PLEKHD1: variants seen among roughly 807,000 people sequenced by gnomAD.
PLEKHD1 encodes the protein pleckstrin homology and coiled-coil domain containing D1.
In PLEKHD1, 51 loss-of-function variants were observed where a neutral mutation model predicts 69.2. That is an observed-to-expected ratio of 0.74 (90% CI 0.59 to 0.93). The LOEUF (loss-of-function observed/expected upper bound fraction) is 0.93, where lower values mean the gene tolerates loss of function less well. Among genes scored for constraint, PLEKHD1 ranks in the 40% least tolerant of loss-of-function variants. The pLI is 0.00. For missense variants in PLEKHD1, 584 were observed against 641.0 expected (o/e 0.91, Z 0.96); for synonymous variants, 236 against 244.7 (o/e 0.96, Z 0.33).
At chr14:69,470,464 A>C in the PLEKHD1 span, among the ~76,000 whole-genome samples, 1 of 151,930 alleles carries the variant, frequency 6.6e-6, no homozygotes, top group African/African-American at 2.4e-5. Flanking sequence ...AAAAAAAAAA[A>C]AAACTAGTAA....
chr14:69,498,758 A>G (rs1227007320), intron 1 of PLEKHD1, among the ~76,000 whole-genome samples: 1 of 150,330 alleles, frequency 6.7e-6, no homozygotes, highest in African/African-American at 2.5e-5. Flanking sequence ...AGTGATTCTC[A>G]TGCCTCAGCC....
intron 8 of PLEKHD1, 22 bp downstream of exon 8, chr14:69,524,344 A>G: frequency 6.5e-7 from 1 of 1,544,802 alleles, no homozygotes; most frequent in Non-Finnish European, 8.8e-7. Context: ...CTGGTGGGTT[A>G]GTTGACCAGG....
intron 6 of PLEKHD1, among the ~76,000 whole-genome samples, chr14:69,516,842 T>C (rs998325710): frequency 6.6e-6 from 1 of 152,218 alleles, no homozygotes; most frequent in Admixed American, 6.5e-5. Context: ...GCTATTTTTT[T>C]GTATTTTTTG....
chr14:69,491,580 G>A (rs1036172787), intron 1 of PLEKHD1, among the ~76,000 whole-genome samples: 1 of 152,178 alleles, frequency 6.6e-6, no homozygotes, highest in Non-Finnish European at 1.5e-5. Context: ...CCAAACATTA[G>A]GGAGCTCACC....
At chr14:69,509,833 G>C (rs1352077656) in intron 6 of PLEKHD1, among the ~76,000 whole-genome samples, 2 of 151,924 alleles carry the variant, frequency 1.3e-5, no homozygotes, top group African/African-American at 4.8e-5. Flanking sequence ...AGCTACTCAG[G>C]AGACTGAGGC....
chr14:69,475,844 G>T, the PLEKHD1 span, among the ~76,000 whole-genome samples: 1 of 152,150 alleles, frequency 6.6e-6, no homozygotes, highest in Admixed American at 6.5e-5. Context: ...TCTCTCCTGG[G>T]TTGCCCTGGG....
At chr14:69,494,112 A>C (rs1882835043) in intron 1 of PLEKHD1, among the ~76,000 whole-genome samples, 1 of 152,256 alleles carries the variant, frequency 6.6e-6, no homozygotes, top group Non-Finnish European at 1.5e-5. Context: ...AATCATAATA[A>C]ATAATAATTT....
intron 6 of PLEKHD1, among the ~76,000 whole-genome samples, chr14:69,514,522 C>T (rs1442505959): frequency 2.0e-5 from 3 of 151,500 alleles, no homozygotes; most frequent in South Asian, 2.1e-4. Flanking sequence ...TCTTAGTTTG[C>T]GTTTAAATTC....
intron 6 of PLEKHD1, among the ~76,000 whole-genome samples, chr14:69,519,986 A>AC (rs1460361900): frequency 4.6e-5 from 7 of 151,678 alleles, no homozygotes; most frequent in South Asian, 2.1e-4. Context: ...ACATGGTAGA[A>AC]CCCCCGCTGA....
chr14:69,504,466 C>T (rs1240867120), intron 6 of PLEKHD1, among the ~76,000 whole-genome samples: 1 of 141,682 alleles, frequency 7.1e-6, no homozygotes, highest in Non-Finnish European at 1.5e-5. Context: ...CAAAAAGCAT[C>T]ATGTCCCCTT....
In PLEKHD1 at chr14:69,516,749, A is replaced by G. The variant is rs557781556; in HGVS notation, c.556-5534A>G. On this transcript the variant is annotated intron_variant, in intron 6 of 12. Coordinates refer to ENST00000322564, the MANE Select transcript of PLEKHD1 (RefSeq NM_001161498.2). ...CAATGACACGATCTCAGCTCACTGCAGCCTCGACCTCCTGGGCTCAAGTGA... is the reference window on the plus strand; with the variant it reads ...CAATGACACGATCTCAGCTCACTGCGGCCTCGACCTCCTGGGCTCAAGTGA... 9.2e-5 allele frequency among the ~76,000 whole-genome samples: 14 copies of G among 152,118 alleles called. No homozygotes were observed. The East Asian group carries it at 2.5e-3, about 27-fold the overall frequency.
intron 1 of PLEKHD1, among the ~76,000 whole-genome samples, chr14:69,488,740 GA>G (rs1038219675): frequency 2.6e-5 from 4 of 151,922 alleles, no homozygotes; most frequent in East Asian, 1.9e-4. Flanking sequence ...TCTGCCTCCA[GA>G]AAAAAAAGTG....
At chr14:69,480,187 C>G (rs10151691), upstream of PLEKHD1, among the ~76,000 whole-genome samples, 72,809 of 152,094 alleles carry the variant, frequency 0.48, 17,691 homozygotes, top group Middle Eastern at 0.59. Context: ...CAGCCTTGTG[C>G]AATCTAGGGC....
Position 69,527,763 on chromosome 14 carries a change from T to C in PLEKHD1, c.1202-20T>C, listed in dbSNP as rs1369379403. On this transcript the variant is annotated intron_variant, in intron 11 of 12. Transcript: ENST00000322564. ...AAGGATGCAGTCGGAACCCCACCCT[T>C]CCTGGCCCTGCCGCCACAGGGTTCT... is the stretch of plus-strand genomic sequence containing the variant. 2 of 1,551,198 alleles carry C rather than the reference T, an allele frequency of 1.3e-6. No individual in the cohort carries two copies. The highest frequency in any genetic ancestry group is 3.9e-5 in the Admixed American group (2 of 51,000).
the PLEKHD1 span, among the ~76,000 whole-genome samples, chr14:69,471,190 C>T: frequency 6.9e-6 from 1 of 145,288 alleles, no homozygotes; most frequent in African/African-American, 2.5e-5. Flanking sequence ...TCACTGCACC[C>T]TCTACTCCGG....
intron 6 of PLEKHD1, among the ~76,000 whole-genome samples, chr14:69,508,189 A>G (rs1883193707): frequency 6.6e-6 from 1 of 152,130 alleles, no homozygotes; most frequent in Non-Finnish European, 1.5e-5. Context: ...CAGGCGGATC[A>G]TGAGATGAGG....
At chr14:69,468,308 G>A in the PLEKHD1 span, among the ~76,000 whole-genome samples, 2 of 152,276 alleles carry the variant, frequency 1.3e-5, no homozygotes, top group Non-Finnish European at 1.5e-5. Context: ...TTAATTTCAG[G>A]TATGAAAAGC....
At chr14:69,525,882 A>T in intron 8 of PLEKHD1, 62 bp from the exon 9 acceptor site, 1 of 1,467,428 alleles carries the variant, frequency 6.8e-7, no homozygotes, top group Admixed American at 2.3e-5. Flanking sequence ...AAAGCAGGTG[A>T]GGGCAGCCAC....
At chr14:69,498,798 CCACCA>C (rs1280057289) in intron 1 of PLEKHD1, among the ~76,000 whole-genome samples, 2 of 152,154 alleles carry the variant, frequency 1.3e-5, no homozygotes, top group East Asian at 3.9e-4. Context: ...CAGGTGTGCG[CCACCA>C]CACCCAGCTA....
Sources: allele counts gnomAD v4.1 joint callset (sites outside exome capture counted in the v4.1 genomes callset), GRCh38; gene constraint gnomAD v4.1.1; transcripts MANE v1.5; gene names NCBI Gene and HGNC (gene_info 2026-07-23, HGNC 2026-07-21).